Variants in WDR49 observed in about 807,000 individuals in gnomAD.
The protein encoded by WDR49 is cilia- and flagella-associated protein 337.
Under a neutral mutation model 119.5 loss-of-function variants are expected in WDR49, and 107 were observed. That is an observed-to-expected ratio of 0.90 (90% confidence interval 0.77 to 1.05). The LOEUF (loss-of-function observed/expected upper bound fraction) is 1.05. WDR49 is among the 50% of genes least tolerant of loss of function. WDR49 has a pLI of 0.00. For synonymous variants in WDR49, 425 were observed against 418.8 expected, an observed-to-expected ratio of 1.01 and a Z score of -0.18; for missense variants, 1,240 against 1,220.5, an observed-to-expected ratio of 1.02 and a Z score of -0.24.
intron 18 of WDR49, among the ~76,000 whole-genome samples, chr3:167,483,191 C>A (rs1477441522): frequency 6.6e-6 from 1 of 152,132 alleles, no homozygotes; most frequent in South Asian, 2.1e-4. Flanking sequence ...TGCCTAATAC[C>A]AGCAGTATGA....
intron 7 of WDR49, among the ~76,000 whole-genome samples, 180 bp downstream of exon 7, chr3:167,601,947 T>C (rs764337207): frequency 2.6e-5 from 4 of 152,214 alleles, no homozygotes; most frequent in Non-Finnish European, 5.9e-5. Flanking sequence ...TGTCTAGGAC[T>C]ACTGTTAAGT....
At chr3:167,495,438 T>C (rs1371111484) in intron 18 of WDR49, among the ~76,000 whole-genome samples, 1 of 152,050 alleles carries the variant, frequency 6.6e-6, no homozygotes, top group Admixed American at 6.6e-5. Flanking sequence ...AAAAGCAGAC[T>C]GGTCAATATA....
At chr3:167,565,436 A>G (rs1487402195) in intron 8 of WDR49, among the ~76,000 whole-genome samples, 1 of 151,644 alleles carries the variant, frequency 6.6e-6, no homozygotes, top group Admixed American at 6.6e-5. Flanking sequence ...GCATGTGTAT[A>G]TATGTAATAT....
intron 16 of WDR49, among the ~76,000 whole-genome samples, chr3:167,516,283 T>C (rs946839537): frequency 2.5e-5 from 3 of 120,554 alleles, no homozygotes; most frequent in African/African-American, 9.5e-5. Flanking sequence ...CAGTGTGTGA[T>C]GTTCCCCTTC....
intron 2 of WDR49, among the ~76,000 whole-genome samples, chr3:167,649,268 C>T (rs1718265268): frequency 6.6e-6 from 1 of 151,738 alleles, no homozygotes; most frequent in Admixed American, 6.6e-5. Context: ...ATGGGTCCTC[C>T]ATAAATTTGG....
chr3:167,618,447 A>G (rs1167248859), intron 5 of WDR49, among the ~76,000 whole-genome samples: 2 of 152,160 alleles, frequency 1.3e-5, no homozygotes, highest in East Asian at 3.8e-4. Context: ...CCATAATTCA[A>G]ATAAAGTGTT....
intron 10 of WDR49, among the ~76,000 whole-genome samples, chr3:167,542,418 T>C (rs912515642): frequency 4.6e-5 from 7 of 151,966 alleles, no homozygotes; most frequent in Non-Finnish European, 8.8e-5. Context: ...TTTTAGAAAA[T>C]TGAAGTTATA....
chr3:167,576,444 G>T (rs1714257509), intron 7 of WDR49, among the ~76,000 whole-genome samples: 1 of 152,144 alleles, frequency 6.6e-6, no homozygotes, highest in Non-Finnish European at 1.5e-5. Flanking sequence ...GTCCCCCAAA[G>T]ATGTCCATGT....
At chr3:167,479,823 G>A (rs1750631833) in intron 18 of WDR49, among the ~76,000 whole-genome samples, 1 of 152,110 alleles carries the variant, frequency 6.6e-6, no homozygotes, top group Non-Finnish European at 1.5e-5. Context: ...CTTATTTGAG[G>A]TAGGTCTTGA....
chr3:167,532,777 C>A, intron 12 of WDR49, 102 bp downstream of exon 12: 1 of 712,120 alleles, frequency 1.4e-6, no homozygotes, highest in Admixed American at 2.8e-5. Context: ...TATAGCCAAT[C>A]ATCTATAATT....
At chr3:167,530,344 A>G (rs924792582) in intron 13 of WDR49, among the ~76,000 whole-genome samples, 1 of 152,084 alleles carries the variant, frequency 6.6e-6, no homozygotes, top group African/African-American at 2.4e-5. Flanking sequence ...TGAAGATACG[A>G]TTGTTATTTT....
chr3:167,596,712 G>C (rs1715467894), intron 7 of WDR49, among the ~76,000 whole-genome samples: 1 of 111,160 alleles, frequency 9.0e-6, no homozygotes, highest in Non-Finnish European at 1.7e-5. Flanking sequence ...ACACTCTGGG[G>C]ACTGTTGTGG....
intron 17 of WDR49, among the ~76,000 whole-genome samples, chr3:167,503,238 G>A (rs546710587): frequency 1.3e-5 from 2 of 152,198 alleles, no homozygotes; most frequent in African/African-American, 4.8e-5. Context: ...ATCTCACCTC[G>A]ATTTCAGAGG....
chr3:167,534,557 C>G (rs1197616043), intron 11 of WDR49, among the ~76,000 whole-genome samples: 1 of 152,068 alleles, frequency 6.6e-6, no homozygotes, highest in Non-Finnish European at 1.5e-5. Flanking sequence ...AACAGGGGAA[C>G]TTTAAATATA....
chr3:167,656,007 G>C (rs917058967), upstream of WDR49, among the ~76,000 whole-genome samples: 6 of 152,094 alleles, frequency 3.9e-5, no homozygotes, highest in Admixed American at 3.9e-4. Context: ...TCTAGTCAGG[G>C]CAATTATCCG....
intron 2 of WDR49, among the ~76,000 whole-genome samples, chr3:167,631,661 A>G (rs1331448744): frequency 6.6e-6 from 1 of 152,118 alleles, no homozygotes; most frequent in Non-Finnish European, 1.5e-5. Context: ...AGCGAGAGTC[A>G]GGCCTGGAAG....
intron 2 of WDR49, among the ~76,000 whole-genome samples, chr3:167,640,783 A>G (rs947831832): frequency 1.1e-4 from 16 of 151,890 alleles, no homozygotes; most frequent in Middle Eastern, 3.4e-3. Context: ...GGGAGAGAGA[A>G]GGAAATGGTG....
At chr3:167,570,656 T>C (rs1210365898) in intron 8 of WDR49, among the ~76,000 whole-genome samples, 2 of 152,200 alleles carry the variant, frequency 1.3e-5, no homozygotes, top group African/African-American at 4.8e-5. Context: ...GTATACATAA[T>C]GGAATTTTTT....
At chr3:167,646,325 G>A (rs938129727) in intron 2 of WDR49, among the ~76,000 whole-genome samples, 11 of 152,156 alleles carry the variant, frequency 7.2e-5, no homozygotes, top group African/African-American at 2.7e-4. Context: ...CTAGAGTGAA[G>A]AGAAATATTT....
Sources: allele counts gnomAD v4.1 joint callset (sites outside exome capture counted in the v4.1 genomes callset), GRCh38; gene constraint gnomAD v4.1.1; transcripts MANE v1.5; gene names NCBI Gene and HGNC (gene_info 2026-07-23, HGNC 2026-07-21).